CLSTN2: variants seen among roughly 807,000 people sequenced by gnomAD.
CLSTN2 encodes the protein calsyntenin-2.
A neutral mutation model predicts 101.2 loss-of-function variants in CLSTN2; 48 were observed. That is an observed-to-expected ratio of 0.47 (90% CI 0.38 to 0.60). The LOEUF (loss-of-function observed/expected upper bound fraction) is 0.60. Ranked by LOEUF, CLSTN2 falls within the 20% of genes least tolerant of loss-of-function variation. The pLI is 0.00. For missense variants in CLSTN2, 1,160 were observed against 1,238.2 expected (o/e 0.94, Z 0.95); for synonymous variants, 481 against 463.6 (o/e 1.04, Z -0.48).
chr3:139,968,513 C>T (rs1288363288), intron 1 of CLSTN2, among the ~76,000 whole-genome samples: 5 of 152,320 alleles, frequency 3.3e-5, no homozygotes, highest in East Asian at 1.9e-4. Flanking sequence ...TGCTGCTCCC[C>T]GTTTTGCTCT....
At chr3:140,531,472 G>A (rs1935253455) in intron 8 of CLSTN2, among the ~76,000 whole-genome samples, 1 of 152,190 alleles carries the variant, frequency 6.6e-6, no homozygotes, top group African/African-American at 2.4e-5. Context: ...CCTTCATTCA[G>A]AACTCATCTG....
chr3:140,125,644 G>T (rs540763908), intron 1 of CLSTN2, among the ~76,000 whole-genome samples: 1 of 152,204 alleles, frequency 6.6e-6, no homozygotes, highest in African/African-American at 2.4e-5. Context: ...CAAATTTACT[G>T]GGGAAATATA....
intron 1 of CLSTN2, among the ~76,000 whole-genome samples, chr3:140,029,516 G>T (rs2007502926): frequency 6.6e-6 from 1 of 152,142 alleles, no homozygotes; most frequent in Non-Finnish European, 1.5e-5. Flanking sequence ...TAATGTTATT[G>T]TTTGAGATCT....
At chr3:140,082,258 T>C (rs2008610579) in intron 1 of CLSTN2, among the ~76,000 whole-genome samples, 1 of 152,206 alleles carries the variant, frequency 6.6e-6, no homozygotes, top group Non-Finnish European at 1.5e-5. Flanking sequence ...TCTTCTCCTG[T>C]GGCTGGCATT....
intron 2 of CLSTN2, among the ~76,000 whole-genome samples, chr3:140,317,834 T>C (rs892598978): frequency 6.6e-6 from 1 of 152,212 alleles, no homozygotes; most frequent in Non-Finnish European, 1.5e-5. Context: ...TTGTAATTTT[T>C]ATAATCAAGG....
At position 140,227,236 on chromosome 3, in the gene CLSTN2, G is replaced by A. The variant is rs372151574; in HGVS notation, c.232+51163G>A. Among the ~76,000 whole-genome samples, 121 of 152,294 alleles carry A rather than the reference G, an allele frequency of 7.9e-4. 1 individual carries two copies. In the East Asian group the frequency reaches 0.017, roughly 22 times the overall value. ...GATACAATGGGAGTACTGGCATTGGGTAAATACAGCCAATCCAAATGGGAG... is the reference window on the plus strand; with the variant it reads ...GATACAATGGGAGTACTGGCATTGGATAAATACAGCCAATCCAAATGGGAG... On this transcript the variant is annotated intron_variant, in intron 2 of 16. Transcript: ENST00000458420.
intron 2 of CLSTN2, among the ~76,000 whole-genome samples, chr3:140,284,657 A>C (rs2086880002): frequency 6.6e-6 from 1 of 152,112 alleles, no homozygotes; most frequent in Non-Finnish European, 1.5e-5. Flanking sequence ...AGTCAGTGCA[A>C]ACCTCTGAGT....
intron 5 of CLSTN2, among the ~76,000 whole-genome samples, chr3:140,436,427 G>A (rs1161718079): frequency 6.6e-6 from 1 of 152,220 alleles, no homozygotes; most frequent in East Asian, 1.9e-4. Context: ...TTAGAGATGT[G>A]GTGAGGTTTC....
chr3:140,486,498 G>A (rs997993960), intron 8 of CLSTN2, among the ~76,000 whole-genome samples: 2 of 152,184 alleles, frequency 1.3e-5, no homozygotes, highest in African/African-American at 4.8e-5. Flanking sequence ...TTTATGTGAA[G>A]TGTTACAATG....
rs1180678049 is a variant in CLSTN2 at position 140,552,394 on chromosome 3, C to T, written c.1675-4119C>T. Among the ~76,000 whole-genome samples the T allele has an allele frequency of 5.1e-5, 5 of 98,580 alleles. 1 individual carries two copies. Among genetic ancestry groups the T allele is most frequent in the African/African-American group, 1.7e-4 (5 of 29,302 alleles). 64.7% of individuals were successfully genotyped at this position (98,580 alleles called of 152,430 possible). On this transcript the variant is annotated intron_variant, in intron 10 of 16. Coordinates refer to ENST00000458420, the MANE Select transcript of CLSTN2 (RefSeq NM_022131.3). The stretch of plus-strand genomic sequence containing the variant: ...AACCCACCCACAGAGCTGGGAATAC[C>T]GCAGTTTAAAAAAAAAAAAAAAAAA...
In CLSTN2 at chr3:140,231,992, G is replaced by A. The variant is rs148547863; in HGVS notation, c.232+55919G>A. Among the ~76,000 whole-genome samples the A allele has an allele frequency of 1.1e-3, 174 of 152,268 alleles. 4 individuals carry two copies. In the East Asian group the frequency reaches 0.027, roughly 23 times the overall value. On this transcript the variant is annotated intron_variant, in intron 2 of 16. Coordinates refer to ENST00000458420, the MANE Select transcript of CLSTN2 (RefSeq NM_022131.3). The stretch of plus-strand genomic sequence containing the variant: ...TGAAAAATGAGGAAATAATGTAACC[G>A]GATAATGGGTACTATATATCTTTGG...
intron 1 of CLSTN2, among the ~76,000 whole-genome samples, chr3:140,123,949 G>T (rs2009388219): frequency 6.6e-6 from 1 of 151,846 alleles, no homozygotes; most frequent in African/African-American, 2.4e-5. Flanking sequence ...CCTCCTAAAA[G>T]CCCTATCTAC....
chr3:140,295,430 C>T (rs2086993862), intron 2 of CLSTN2, among the ~76,000 whole-genome samples: 1 of 152,068 alleles, frequency 6.6e-6, no homozygotes, highest in Non-Finnish European at 1.5e-5. Context: ...AGGCTTCTGC[C>T]TTTCTTACCT....
At chr3:140,078,673 G>A (rs1458133511) in intron 1 of CLSTN2, among the ~76,000 whole-genome samples, 1 of 152,142 alleles carries the variant, frequency 6.6e-6, no homozygotes, top group African/African-American at 2.4e-5. Context: ...ACTGCTAATG[G>A]TTTATAAAAA....
chr3:140,403,282 A>G (rs1251445810), intron 2 of CLSTN2, among the ~76,000 whole-genome samples: 1 of 152,164 alleles, frequency 6.6e-6, no homozygotes, highest in Non-Finnish European at 1.5e-5. Flanking sequence ...CAGAAAATGG[A>G]GAAGTGGGGG....
chr3:140,185,509 C>T (rs1360506722), intron 2 of CLSTN2, among the ~76,000 whole-genome samples: 4 of 152,240 alleles, frequency 2.6e-5, no homozygotes, highest in Middle Eastern at 3.4e-3. Context: ...CTCACTGACC[C>T]GGTGGTCAAA....
At chr3:140,510,481 GT>G (rs1441674708) in intron 8 of CLSTN2, among the ~76,000 whole-genome samples, 2 of 152,246 alleles carry the variant, frequency 1.3e-5, no homozygotes, top group African/African-American at 4.8e-5. Context: ...TGCAAAGCAA[GT>G]CTTGATTTCC....
intron 2 of CLSTN2, among the ~76,000 whole-genome samples, chr3:140,386,788 C>A (rs1385364134): frequency 6.6e-6 from 1 of 152,168 alleles, no homozygotes; most frequent in Non-Finnish European, 1.5e-5. Context: ...AGAGCCAAGG[C>A]CTGTGCACAG....
At chr3:140,135,117 CATATATATATATATATATATATAT>C (rs66931848) in intron 1 of CLSTN2, among the ~76,000 whole-genome samples, 19 of 58,120 alleles carry the variant, frequency 3.3e-4, no homozygotes, top group Admixed American at 8.2e-4. Flanking sequence ...CACACACACA[CATATATATATATATATATATATAT>C]ATATATATAT....
Sources: gnomAD v4.1 joint callset for allele counts (sites outside exome capture counted in the v4.1 genomes callset) on GRCh38, gnomAD v4.1.1 for gene constraint, MANE v1.5 for transcripts, NCBI Gene and HGNC (gene_info 2026-07-23, HGNC 2026-07-21) for gene names.